Variants in ANKRD27 observed in about 807,000 individuals in gnomAD.
The protein encoded by ANKRD27 is ankyrin repeat domain 27, also known as ankyrin repeat domain-containing protein 27.
In ANKRD27, 112 loss-of-function variants were observed where a neutral mutation model predicts 129.7. The ratio of observed to expected loss-of-function variants is 0.86; its 90% confidence interval spans 0.74 to 1.01. The LOEUF is 1.01. Ranked by LOEUF, ANKRD27 falls within the 50% of genes least tolerant of loss-of-function variation. ANKRD27 has a pLI of 0.00. For synonymous variants in ANKRD27, 516 were observed against 511.2 expected (o/e 1.01, Z -0.13); for missense variants, 1,258 against 1,300.5 (o/e 0.97, Z 0.50).
chr19:32,623,443 G>C (rs1972043481), intron 17 of ANKRD27, among the ~76,000 whole-genome samples: 1 of 152,092 alleles, frequency 6.6e-6, no homozygotes, highest in South Asian at 2.1e-4. Flanking sequence ...CTTGGGGACT[G>C]AGTTCCTAAT....
intron 12 of ANKRD27, among the ~76,000 whole-genome samples, chr19:32,633,921 C>T (rs1178514463): frequency 6.6e-6 from 1 of 151,882 alleles, no homozygotes; most frequent in South Asian, 2.1e-4. Flanking sequence ...TCCCAGCCAC[C>T]CAGGAGGCTG....
At chr19:32,620,343 G>C (rs1971989877) in intron 18 of ANKRD27, among the ~76,000 whole-genome samples, 1 of 151,780 alleles carries the variant, frequency 6.6e-6, no homozygotes, top group African/African-American at 2.4e-5. Flanking sequence ...CAGATCACTT[G>C]AGGTCAGGAG....
Position 32,628,830 on chromosome 19 carries a change from T to C in ANKRD27, c.1229A>G (p.Gln410Arg), listed in dbSNP as rs1445073390. 12 of 1,614,062 alleles carry C rather than the reference T, an allele frequency of 7.4e-6. No individual in the cohort carries two copies. Among genetic ancestry groups the C allele is most frequent in the African/African-American group, 1.3e-5 (1 of 74,938 alleles). Residue 410 changes from glutamine to arginine, a missense_variant, in exon 14 of 29, where the codon CAG becomes CGG. By Grantham distance (43) the Gln-to-Arg change is conservative. Coordinates refer to ENST00000306065, the MANE Select transcript of ANKRD27 (RefSeq NM_032139.3). Reference protein sequence around the residue: ...CLFKHIASGNQKEVERLLSQE... With the variant: ...CLFKHIASGNRKEVERLLSQE... ...GCTCAGAAGTCTCTCCACTTCTTTC[T>C]GGTTACCTGATGCAATGTGCTGAAA...
chr19:32,671,568 A>G (rs1232531434), intron 1 of ANKRD27, among the ~76,000 whole-genome samples: 1 of 151,944 alleles, frequency 6.6e-6, no homozygotes, highest in Non-Finnish European at 1.5e-5. Flanking sequence ...GGTGGCCCAC[A>G]CCTATAATCC....
intron 13 of ANKRD27, among the ~76,000 whole-genome samples, chr19:32,630,126 C>T (rs1322007187): frequency 1.3e-5 from 2 of 152,028 alleles, no homozygotes; most frequent in South Asian, 2.1e-4. Flanking sequence ...CTAGGGGATC[C>T]TCTTTTATTC....
At chr19:32,661,177 TG>T (rs1967636493) in intron 1 of ANKRD27, among the ~76,000 whole-genome samples, 2 of 149,862 alleles carry the variant, frequency 1.3e-5, no homozygotes, top group Non-Finnish European at 3.0e-5. Context: ...CTCCACCCTG[TG>T]TGATGGTGCA....
intron 2 of ANKRD27, among the ~76,000 whole-genome samples, chr19:32,650,677 TTA>T (rs1967396836): frequency 6.7e-6 from 1 of 148,238 alleles, no homozygotes. Flanking sequence ...GACTCTGTCT[TTA>T]AAAAAAAAAA....
chr19:32,663,947 T>C (rs988958373), intron 1 of ANKRD27, among the ~76,000 whole-genome samples: 7 of 148,614 alleles, frequency 4.7e-5, no homozygotes, highest in African/African-American at 4.9e-5. Flanking sequence ...TCCCAGCTAC[T>C]TGGGAGGCTG....
chr19:32,630,055 A>G (rs895857285), intron 13 of ANKRD27, among the ~76,000 whole-genome samples: 2 of 151,918 alleles, frequency 1.3e-5, no homozygotes, highest in Non-Finnish European at 2.9e-5. Flanking sequence ...AGTGCACACC[A>G]CCATGCCCAG....
chr19:32,664,659 T>TAATAATAAA (rs1399389861), intron 1 of ANKRD27, among the ~76,000 whole-genome samples: 39 of 136,404 alleles, frequency 2.9e-4, no homozygotes, highest in Non-Finnish European at 4.1e-4. Context: ...ATAATAATAA[T>TAATAATAAA]AAAAAGTTCT....
In ANKRD27 at chr19:32,620,657, C is replaced by T. The variant is rs373490930; in HGVS notation, c.1828-1104G>A. On this transcript the variant is annotated intron_variant, in intron 18 of 28. Coordinates refer to ENST00000306065, the MANE Select transcript of ANKRD27 (RefSeq NM_032139.3). ...ATCCCAGCACTTTAAGGGGCCAAGG[C>T]GGGCAGATCACTTGAGGTCATGAGT... 7.8e-4 allele frequency among the ~76,000 whole-genome samples: 117 copies of T among 149,074 alleles called. No individual in the cohort carries two copies. The East Asian group carries it at 0.016, about 20-fold the overall frequency.
chr19:32,642,291 A>G, intron 9 of ANKRD27, 146 bp from the exon 10 acceptor site: 1 of 759,028 alleles, frequency 1.3e-6, no homozygotes, highest in South Asian at 4.0e-5. Flanking sequence ...AAGTCATCTG[A>G]CTCAAGTCAG....
At chr19:32,641,402 A>G (rs565739240) in intron 10 of ANKRD27, among the ~76,000 whole-genome samples, 1 of 152,270 alleles carries the variant, frequency 6.6e-6, no homozygotes, top group Non-Finnish European at 1.5e-5. Flanking sequence ...ATAGACATGG[A>G]GTCCACTGCC....
At chr19:32,603,237 G>T (rs1208617937) in intron 25 of ANKRD27, among the ~76,000 whole-genome samples, 1 of 152,140 alleles carries the variant, frequency 6.6e-6, no homozygotes, top group Non-Finnish European at 1.5e-5. Context: ...GGCAGAGGTT[G>T]CAGTGAGCCA....
chr19:32,602,378 A>T (rs1971666868), intron 25 of ANKRD27, among the ~76,000 whole-genome samples: 1 of 152,012 alleles, frequency 6.6e-6, no homozygotes, highest in African/African-American at 2.4e-5. Context: ...CAACCACTCC[A>T]TGCAACCAGC....
At chr19:32,608,009 T>TC (rs1343693707) in intron 22 of ANKRD27, among the ~76,000 whole-genome samples, 177 bp from the exon 23 acceptor site, 2 of 151,306 alleles carry the variant, frequency 1.3e-5, no homozygotes, top group Admixed American at 6.6e-5. Flanking sequence ...AACTTCCTTT[T>TC]TTTTTTTTTG....
At chr19:32,598,483 T>G in intron 28 of ANKRD27, 105 bp from the exon 29 acceptor site, 1 of 1,029,624 alleles carries the variant, frequency 9.7e-7, no homozygotes, top group African/African-American at 1.6e-5. Flanking sequence ...CATAATGTGC[T>G]CAGTGCTTGA....
Position 32,625,967 on chromosome 19 carries a change from C to T in ANKRD27, c.1537-1G>A. The T allele has an allele frequency of 1.2e-6, 2 of 1,604,030 alleles. No homozygotes were observed. Among genetic ancestry groups the T allele is most frequent in the Non-Finnish European group, 1.7e-6 (2 of 1,177,018 alleles). ...TGGCCTTGTAGTGCAGCAGCAGCAG[C>T]TGCGGAGATAAAGGAAAGCGATGAG... is the stretch of plus-strand genomic sequence containing the variant. On this transcript the variant is annotated splice_acceptor_variant, in intron 16 of 28. Coordinates refer to ENST00000306065, the MANE Select transcript of ANKRD27 (RefSeq NM_032139.3). LOFTEE classifies it high-confidence loss of function.
In ANKRD27 at chr19:32,646,445, T is replaced by C. The variant is rs755600735; in HGVS notation, c.370+14A>G. 1 of 1,586,950 alleles carries C rather than the reference T, an allele frequency of 6.3e-7. No homozygotes were observed. On this transcript the variant is annotated intron_variant, in intron 4 of 28. Coordinates refer to ENST00000306065, the MANE Select transcript of ANKRD27 (RefSeq NM_032139.3). ...TTCTAAAACAGGAGAAAAAGGTTTT[T>C]TCTCCCAGAATACCTGAACTCTCTC... is the stretch of plus-strand genomic sequence containing the variant.
Sources: allele counts gnomAD v4.1 joint callset (sites outside exome capture counted in the v4.1 genomes callset), GRCh38; gene constraint gnomAD v4.1.1; transcripts MANE v1.5; gene names NCBI Gene and HGNC (gene_info 2026-07-23, HGNC 2026-07-21).